The following EML5 variants were observed in gnomAD, a reference collection of about 807,000 sequenced individuals.
EML5 encodes EMAP like 5.
A neutral mutation model predicts 250.0 loss-of-function variants in EML5; 120 were observed. The ratio of observed to expected loss-of-function variants is 0.48; its 90% confidence interval spans 0.41 to 0.56. The LOEUF (loss-of-function observed/expected upper bound fraction) is 0.56, where lower values mean the gene tolerates loss of function less well. Ranked by LOEUF, EML5 falls within the 20% of genes least tolerant of loss-of-function variation. The probability of loss-of-function intolerance (pLI) is 0.00; values close to 1 mark genes in which losing one functional copy is unlikely to be tolerated. For missense variants in EML5, 2,006 were observed against 2,437.6 expected (o/e 0.82, Z 3.73); for synonymous variants, 771 against 806.5 (o/e 0.96, Z 0.75).
intron 1 of EML5, among the ~76,000 whole-genome samples, chr14:88,770,995 C>T (rs1308214613): frequency 6.6e-6 from 1 of 152,070 alleles, no homozygotes; most frequent in Non-Finnish European, 1.5e-5. Flanking sequence ...TATTAAGTTG[C>T]TTTAAGTATT....
intron 32 of EML5, among the ~76,000 whole-genome samples, chr14:88,636,733 G>A (rs1039740819): frequency 2.0e-5 from 3 of 152,152 alleles, no homozygotes; most frequent in Admixed American, 2.0e-4. Context: ...TCCAAAACTG[G>A]AAGATAATGC....
intron 7 of EML5, among the ~76,000 whole-genome samples, chr14:88,735,133 G>A (rs981367252): frequency 6.6e-6 from 1 of 152,154 alleles, no homozygotes; most frequent in African/African-American, 2.4e-5. Context: ...AATTTGATCA[G>A]TGGTTCTCAA....
chr14:88,767,586 C>T (rs926623603), intron 1 of EML5, among the ~76,000 whole-genome samples: 2 of 152,086 alleles, frequency 1.3e-5, no homozygotes, highest in Non-Finnish European at 2.9e-5. Flanking sequence ...TTAATATATT[C>T]TTGGTACAAT....
At chr14:88,641,105 A>G (rs1463381001) in intron 31 of EML5, among the ~76,000 whole-genome samples, 1 of 152,168 alleles carries the variant, frequency 6.6e-6, no homozygotes, top group African/African-American at 2.4e-5. Context: ...AATGAGTTCC[A>G]AAATTGAATC....
At position 88,746,267 on chromosome 14, in the gene EML5, C is replaced by T; in HGVS notation, c.374G>A (p.Gly125Glu). ...ACAAACTGCATTCTTTGAATCAAGT[C>T]CAACTGAAACCAAGCGCTGATTTAT... Reference protein sequence around the residue: ...DLDGQRLVSVGLDSKNAVCVW... With the variant: ...DLDGQRLVSVELDSKNAVCVW... Residue 125 changes from glycine (G) to glutamate (E), a missense_variant, in exon 3 of 44, where the codon GGA becomes GAA. This residue lies in a region of EML5 where 162 missense variants were observed against 212.2 expected (regional missense o/e 0.76). Coordinates refer to ENST00000554922, the MANE Select transcript of EML5 (RefSeq NM_183387.3). The T allele has an allele frequency of 6.2e-7, 1 of 1,613,026 alleles. No individual in the cohort carries two copies. The highest frequency in any genetic ancestry group is 8.5e-7 in the Non-Finnish European group (1 of 1,179,450).
At position 88,736,376 on chromosome 14, in the gene EML5, T is replaced by A; in HGVS notation, c.1037A>T (p.Asp346Val). 1 of 1,613,976 alleles carries A rather than the reference T, an allele frequency of 6.2e-7. No individual in the cohort carries two copies. The highest frequency in any genetic ancestry group is 8.5e-7 in the Non-Finnish European group (1 of 1,179,878). Residue 346 changes from aspartate (D) to valine (V), a missense_variant, in exon 7 of 44, where the codon GAT becomes GTT. By Grantham distance (152) the Asp-to-Val change is radical. Around this residue, in one of 7 missense-constraint regions of EML5, gnomAD observed 1,375 missense variants for 1,590.3 expected, o/e 0.86. Coordinates refer to ENST00000554922, the MANE Select transcript of EML5 (RefSeq NM_183387.3). ...ATAATTTGCTTACCTGACCGAACGA[T>A]CATCACTTCCAGTCACAGCCAAAGG... ...TKPLAVTGSD[D>V]RSVRIWSLVD...
rs369575837 is a variant in EML5, at chr14:88,621,263, G to A, written c.5052C>T (p.Ile1684=). 1.2e-5 allele frequency: 19 copies of A among 1,613,690 alleles called. No homozygotes were observed. The highest frequency in any genetic ancestry group is 1.6e-5 in the Non-Finnish European group (19 of 1,179,870). Residue 1684 remains isoleucine, a synonymous_variant, in exon 38 of 44, where the codon ATC becomes ATT. Coordinates refer to ENST00000554922, the MANE Select transcript of EML5 (RefSeq NM_183387.3). ...AAGCTGCATTTTTCTCTCCAACTTC[G>A]ATTATTTCAGCATTCCTTGTCCCAA... ...ILVGTRNAEI[I]EVGEKNAACN... is the part of the protein sequence containing the mutation.
chr14:88,637,782 CA>C (rs1298597355), intron 32 of EML5, among the ~76,000 whole-genome samples: 7 of 152,100 alleles, frequency 4.6e-5, no homozygotes, highest in African/African-American at 1.7e-4. Context: ...TCCTTGTGCA[CA>C]GTGAAAATAA....
At chr14:88,750,796 A>C (rs1466495955) in intron 2 of EML5, among the ~76,000 whole-genome samples, 1 of 152,228 alleles carries the variant, frequency 6.6e-6, no homozygotes, top group Non-Finnish European at 1.5e-5. Context: ...ACCTCCTGAG[A>C]GTATTTACTA....
At chr14:88,758,983 G>T (rs184816362) in intron 1 of EML5, among the ~76,000 whole-genome samples, 119 of 152,320 alleles carry the variant, frequency 7.8e-4, no homozygotes, top group African/African-American at 2.7e-3. Context: ...ATTAGTGATT[G>T]CCAGGTGCTG....
intron 21 of EML5, among the ~76,000 whole-genome samples, chr14:88,681,247 CA>C (rs1234339403): frequency 6.6e-6 from 1 of 152,182 alleles, no homozygotes; most frequent in Non-Finnish European, 1.5e-5. Context: ...CACATAGAGA[CA>C]GACAGAAAAC....
Position 88,712,799 on chromosome 14 carries a change from G to A in EML5, c.1445-316C>T, listed in dbSNP as rs77066868. ...AAATGATACAGATTAGTCATAACAGGGTAAGTTATAAAAAAGGTAAAAGCT... is the reference window on the plus strand; with the variant it reads ...AAATGATACAGATTAGTCATAACAGAGTAAGTTATAAAAAAGGTAAAAGCT... On this transcript the variant is annotated intron_variant, in intron 9 of 43. Transcript: ENST00000554922. Among the ~76,000 whole-genome samples the A allele has an allele frequency of 6.9e-3, 1,054 of 151,968 alleles. 9 individuals are homozygous for A. Among genetic ancestry groups the A allele is most frequent in the African/African-American group, 0.022 (929 of 41,428 alleles).
intron 12 of EML5, among the ~76,000 whole-genome samples, 173 bp downstream of exon 12, chr14:88,705,309 A>G (rs1186643828): frequency 6.6e-6 from 1 of 152,214 alleles, no homozygotes; most frequent in Non-Finnish European, 1.5e-5. Flanking sequence ...AGCATTTAAT[A>G]TAAAAAAAAT....
intron 3 of EML5, 81 bp downstream of exon 3, chr14:88,746,104 A>G: frequency 8.9e-7 from 1 of 1,127,360 alleles, no homozygotes; most frequent in Non-Finnish European, 1.3e-6. Context: ...ATAACAAAAT[A>G]CAGAAGAATA....
intron 31 of EML5, among the ~76,000 whole-genome samples, chr14:88,642,263 C>T (rs1313041613): frequency 6.6e-6 from 1 of 152,150 alleles, no homozygotes; most frequent in Non-Finnish European, 1.5e-5. Context: ...AAATTAAATA[C>T]TTAATGTTAC....
At chr14:88,643,581 C>A (rs2091187863) in intron 30 of EML5, among the ~76,000 whole-genome samples, 1 of 152,102 alleles carries the variant, frequency 6.6e-6, no homozygotes, top group Admixed American at 6.5e-5. Context: ...CAGGGGGAAT[C>A]TATCCCCCAT....
chr14:88,647,231 G>T (rs147329601), intron 28 of EML5, among the ~76,000 whole-genome samples: 3,027 of 151,980 alleles, frequency 0.02, 96 homozygotes, highest in African/African-American at 0.066. Flanking sequence ...AGGCATGGTG[G>T]CACGCACCTG....
At chr14:88,701,160 A>G (rs1487195017) in intron 14 of EML5, among the ~76,000 whole-genome samples, 2 of 152,088 alleles carry the variant, frequency 1.3e-5, no homozygotes, top group Non-Finnish European at 2.9e-5. Context: ...AAACAGGGTG[A>G]TTTTGCCTTC....
At chr14:88,679,585 G>A (rs1187419190) in intron 21 of EML5, among the ~76,000 whole-genome samples, 2 of 152,190 alleles carry the variant, frequency 1.3e-5, no homozygotes, top group African/African-American at 2.4e-5. Context: ...CCTGTTACTC[G>A]GGAGACTGAA....
Sources: gnomAD v4.1 joint callset for allele counts (sites outside exome capture counted in the v4.1 genomes callset) on GRCh38, gnomAD v4.1.1 for gene constraint, gnomAD v4.1.1 regional missense constraint, MANE v1.5 for transcripts, NCBI Gene and HGNC (gene_info 2026-07-23, HGNC 2026-07-21) for gene names.